NEBL: variants seen among roughly 807,000 people sequenced by gnomAD.
The protein encoded by NEBL is LIM and SH3 protein 2.
NEBL carries 122 observed loss-of-function variants against 140.2 expected under a neutral mutation model. The observed-to-expected ratio is 0.87, with a 90% CI of 0.75 to 1.01. The LOEUF (loss-of-function observed/expected upper bound fraction) is 1.01, where lower values mean the gene tolerates loss of function less well. Among genes scored for constraint, NEBL ranks in the 50% least tolerant of loss-of-function variants. The pLI, the probability that NEBL is intolerant of heterozygous loss-of-function variation, is 0.00. For synonymous variants in NEBL, 436 were observed against 398.9 expected (o/e 1.09, Z -1.11); for missense variants, 1,365 against 1,231.3 (o/e 1.11, Z -1.62).
At chr10:21,236,904 T>C (rs1226315655) in intron 3 of NEBL, among the ~76,000 whole-genome samples, 1 of 152,184 alleles carries the variant, frequency 6.6e-6, no homozygotes, top group East Asian at 1.9e-4. Flanking sequence ...AACTACCTAG[T>C]AAGATAGGTA....
rs703094 is a variant in NEBL, at chr10:20,860,086, C to G, written c.685-260G>C. Among the ~76,000 whole-genome samples the G allele has an allele frequency of 0.38, 58,412 of 151,874 alleles. 12,727 individuals are homozygous for G. Among genetic ancestry groups the G allele is most frequent in the East Asian group, 0.62 (3,209 of 5,164 alleles). ...TGAGAATTATGCACTAAAATACCAA[C>G]ATTTTTAAATGTCAGTTTTCATTTC... On this transcript the variant is annotated intron_variant, in intron 7 of 27. Transcript: ENST00000377122.
chr10:21,217,092 G>T (rs1842004169), intron 3 of NEBL, among the ~76,000 whole-genome samples: 1 of 152,220 alleles, frequency 6.6e-6, no homozygotes, highest in South Asian at 2.1e-4. Context: ...TGATGTGAGT[G>T]TCGTTAGCTT....
rs767402814 is a variant in NEBL, at chr10:20,888,202, T to G, written c.264A>C (p.Lys88Asn). ...KNIGAFISEAKYKGTIKADLS... is the reference protein window; with the variant it reads ...KNIGAFISEANYKGTIKADLS... ...GGTCAGCTTTAATGGTGCCTTTGTATTTTGCCTGGGGGAAAAAAAAACAGG... is the reference window on the plus strand; with the variant it reads ...GGTCAGCTTTAATGGTGCCTTTGTAGTTTGCCTGGGGGAAAAAAAAACAGG... Residue 88 changes from lysine (K) to asparagine (N), a missense_variant, in exon 4 of 28, where the codon AAA becomes AAC. By Grantham distance (94) the Lys-to-Asn change is moderately conservative. This residue lies in a region of NEBL where 1,323 missense variants were observed against 1,154.8 expected (regional missense o/e 1.15). Coordinates refer to ENST00000377122, the MANE Select transcript of NEBL (RefSeq NM_006393.3). 2.5e-6 allele frequency: 4 copies of G among 1,590,588 alleles called. No homozygotes were observed. In the South Asian group the frequency reaches 4.5e-5, roughly 18 times the overall value.
chr10:20,921,004 C>G (rs1257586623), intron 4 of NEBL, among the ~76,000 whole-genome samples: 1 of 152,086 alleles, frequency 6.6e-6, no homozygotes, highest in Non-Finnish European at 1.5e-5. Flanking sequence ...TTTACCAGCT[C>G]TGTCCACTGA....
intron 2 of NEBL, among the ~76,000 whole-genome samples, chr10:21,031,406 CAA>C (rs1258386077): frequency 6.6e-6 from 1 of 152,136 alleles, no homozygotes; most frequent in Non-Finnish European, 1.5e-5. Flanking sequence ...GACCGCAGGA[CAA>C]AAACCAGGCA....
intron 14 of NEBL, among the ~76,000 whole-genome samples, chr10:20,832,927 C>A (rs1840551073): frequency 6.6e-6 from 1 of 152,216 alleles, no homozygotes; most frequent in African/African-American, 2.4e-5. Context: ...ACAAAAAGCA[C>A]TCTGTTTTAG....
intron 3 of NEBL, among the ~76,000 whole-genome samples, chr10:21,230,749 C>T (rs1017631220): frequency 1.5e-4 from 23 of 151,976 alleles, no homozygotes; most frequent in African/African-American, 5.3e-4. Context: ...GGATTAAAGG[C>T]ACCCACCGCC....
intron 4 of NEBL, among the ~76,000 whole-genome samples, chr10:20,884,753 C>T (rs1273293842): frequency 6.6e-6 from 1 of 152,222 alleles, no homozygotes; most frequent in Non-Finnish European, 1.5e-5. Flanking sequence ...GCTGCAGTTC[C>T]AATGCCTGAG....
chr10:20,939,683 G>A (rs961487667), intron 4 of NEBL, among the ~76,000 whole-genome samples: 2 of 151,976 alleles, frequency 1.3e-5, no homozygotes, highest in South Asian at 2.1e-4. Flanking sequence ...CTGTATTCAG[G>A]AAACCCATCT....
intron 2 of NEBL, among the ~76,000 whole-genome samples, chr10:21,093,934 A>C (rs1453349778): frequency 6.6e-6 from 1 of 152,240 alleles, no homozygotes; most frequent in African/African-American, 2.4e-5. Context: ...GAACCAGAAA[A>C]CATTTTGTCG....
rs111681971 is a variant in NEBL, at chr10:20,938,782, G to T, written c.357+22890C>A. Among the ~76,000 whole-genome samples the T allele has an allele frequency of 1.5e-3, 230 of 152,256 alleles. 1 individual carries two copies. The highest frequency in any genetic ancestry group is 5.4e-3 in the African/African-American group (226 of 41,552). ...CTGAAAACCATCGCACAACAACTAC[G>T]TGACGAATGCACGAGCCTCAGTAGC... On this transcript the variant is annotated intron_variant, in intron 4 of 6. Transcript: ENST00000417816.
chr10:21,235,877 T>C (rs1842341085), intron 3 of NEBL, among the ~76,000 whole-genome samples: 1 of 152,206 alleles, frequency 6.6e-6, no homozygotes, highest in Non-Finnish European at 1.5e-5. Flanking sequence ...ATCTGAGATG[T>C]GGCGATCATT....
rs544712674 is a variant in NEBL, at chr10:20,940,527, T to G, written c.357+21145A>C. ...ACCCTAACATCACAATTAAAAGAAC[T>G]AGAAAAGCAAGAGCAAACACATTCA... On this transcript the variant is annotated intron_variant, in intron 4 of 6. Transcript: ENST00000417816. Among the ~76,000 whole-genome samples, 216 of 142,870 alleles carry G rather than the reference T, an allele frequency of 1.5e-3. 1 individual carries two copies. The highest frequency in any genetic ancestry group is 5.6e-3 in the African/African-American group (212 of 37,834). 93.7% of individuals were successfully genotyped at this position (142,870 alleles called of 152,430 possible).
intron 2 of NEBL, among the ~76,000 whole-genome samples, chr10:21,120,422 A>T (rs11012534): frequency 0.012 from 1,080 of 86,640 alleles, 47 homozygotes; most frequent in African/African-American, 0.046. Flanking sequence ...ATATATATAT[A>T]TAAATTTGAT....
intron 16 of NEBL, among the ~76,000 whole-genome samples, chr10:20,830,941 A>C (rs1455841880): frequency 1.4e-5 from 2 of 141,202 alleles, no homozygotes; most frequent in Non-Finnish European, 3.1e-5. Flanking sequence ...AAAAAGGTTT[A>C]ATGTCCTTGG....
chr10:20,989,430 T>C (rs958176153), intron 3 of NEBL, among the ~76,000 whole-genome samples: 7 of 152,192 alleles, frequency 4.6e-5, no homozygotes, highest in Non-Finnish European at 1.0e-4. Flanking sequence ...TCAATAAATA[T>C]GTCATAGTCT....
intron 1 of NEBL, among the ~76,000 whole-genome samples, chr10:21,279,317 C>G (rs1296131893): frequency 8.1e-6 from 1 of 123,844 alleles, no homozygotes; most frequent in Non-Finnish European, 1.6e-5. Context: ...TTTAGACAGT[C>G]TCCCTCTGCT....
intron 4 of NEBL, among the ~76,000 whole-genome samples, chr10:20,953,506 A>AT (rs146415247): frequency 0.067 from 8,058 of 119,728 alleles, 377 homozygotes; most frequent in African/African-American, 0.14. Context: ...ACAAGCCCTA[A>AT]TTTTTTTTTT....
chr10:21,174,368 G>A (rs1185681334), upstream of NEBL: 1 of 152,776 alleles, frequency 6.5e-6, no homozygotes, highest in Non-Finnish European at 1.5e-5. Context: ...AGGCCGGGGA[G>A]CCCAGGTGGG....
Sources: gnomAD v4.1 joint callset for allele counts (sites outside exome capture counted in the v4.1 genomes callset) on GRCh38, gnomAD v4.1.1 for gene constraint, gnomAD v4.1.1 regional missense constraint, MANE v1.5 for transcripts, NCBI Gene and HGNC (gene_info 2026-07-23, HGNC 2026-07-21) for gene names.